Variants in USH2A observed in about 807,000 individuals in gnomAD.
The protein encoded by USH2A is Usher syndrome 2A (autosomal recessive, mild).
In USH2A, 443 loss-of-function variants were observed where a neutral mutation model predicts 538.9. That is an observed-to-expected ratio of 0.82 (90% CI 0.76 to 0.89). The LOEUF (loss-of-function observed/expected upper bound fraction) is 0.89. Ranked by LOEUF, USH2A falls within the 40% of genes least tolerant of loss-of-function variation. USH2A has a pLI of 0.00. For synonymous variants in USH2A, 2,413 were observed against 2,273.5 expected, an observed-to-expected ratio of 1.06 and a Z score of -1.75; for missense variants, 6,633 against 6,324.8, an observed-to-expected ratio of 1.05 and a Z score of -1.65.
chr1:216,356,413 A>C (rs1314764934), intron 4 of USH2A, among the ~76,000 whole-genome samples: 1 of 152,086 alleles, frequency 6.6e-6, no homozygotes, highest in Non-Finnish European at 1.5e-5. Context: ...TAGTTTACTG[A>C]AAAAAATTGC....
chr1:216,295,034 G>A (rs2037076053), intron 9 of USH2A, among the ~76,000 whole-genome samples: 1 of 151,538 alleles, frequency 6.6e-6, no homozygotes. Context: ...CAGCATAATA[G>A]TTAATTTATA....
intron 37 of USH2A, among the ~76,000 whole-genome samples, chr1:215,954,220 A>G (rs1667002572): frequency 6.6e-6 from 1 of 152,142 alleles, no homozygotes; most frequent in Admixed American, 6.5e-5. Context: ...CTGGGTATAT[A>G]CCCAAGGGAT....
At chr1:215,652,013 T>C (rs1045643873) in intron 64 of USH2A, among the ~76,000 whole-genome samples, 2 of 152,254 alleles carry the variant, frequency 1.3e-5, no homozygotes, top group Admixed American at 1.3e-4. Context: ...CCTACTTACA[T>C]AGATACACCT....
intron 60 of USH2A, among the ~76,000 whole-genome samples, chr1:215,734,085 G>T (rs1331863597): frequency 1.3e-5 from 2 of 152,202 alleles, no homozygotes; most frequent in Middle Eastern, 3.2e-3. Flanking sequence ...GCAGCCTTCT[G>T]CCTGGGCACC....
chr1:216,220,487 A>G (rs2035435290), intron 14 of USH2A, among the ~76,000 whole-genome samples: 2 of 151,200 alleles, frequency 1.3e-5, no homozygotes, highest in Admixed American at 6.6e-5. Context: ...CTGGTAGCAG[A>G]AGAAGGGATG....
chr1:216,073,046 G>C (rs756813924), intron 28 of USH2A, 51 bp downstream of exon 28: 3 of 1,612,944 alleles, frequency 1.9e-6, no homozygotes, highest in Non-Finnish European at 2.5e-6. Context: ...GGAGGGAAAG[G>C]GGGATGAATA....
At chr1:215,750,194 C>A (rs1239100767) in intron 58 of USH2A, among the ~76,000 whole-genome samples, 1 of 152,180 alleles carries the variant, frequency 6.6e-6, no homozygotes, top group African/African-American at 2.4e-5. Context: ...AAATTCTCCA[C>A]TGTATAGGTA....
chr1:215,830,833 T>C (rs1379342029), intron 47 of USH2A, among the ~76,000 whole-genome samples: 3 of 152,214 alleles, frequency 2.0e-5, no homozygotes, highest in Non-Finnish European at 4.4e-5. Context: ...AGCTTTGTTA[T>C]GCTACTTTAT....
chr1:215,789,927 T>A (rs990323579), intron 51 of USH2A, 132 bp downstream of exon 51: 3 of 804,934 alleles, frequency 3.7e-6, no homozygotes, highest in Non-Finnish European at 2.0e-6. Flanking sequence ...TCGGTATTAA[T>A]ATGGATGTAA....
chr1:216,037,070 C>A (rs1047672844), intron 32 of USH2A, among the ~76,000 whole-genome samples: 1 of 152,072 alleles, frequency 6.6e-6, no homozygotes, highest in Admixed American at 6.6e-5. Context: ...GGGAATTTAA[C>A]CATGTCAATG....
At position 216,394,720 on chromosome 1, in the gene USH2A, C is replaced by CTTTTTTTTTTTTTT. The variant is rs780581599; in HGVS notation, c.651+23780_651+23793dup. On this transcript the variant is annotated intron_variant, in intron 3 of 71. Coordinates refer to ENST00000307340, the MANE Select transcript of USH2A (RefSeq NM_206933.4). ...CTTAAGGCCTAATAACTGGTCCAGT[C>CTTTTTTTTTTTTTT]TTTTTTTTTTTTTTTTGAGACAGAG... is the stretch of plus-strand genomic sequence containing the variant. Among the ~76,000 whole-genome samples, 525 of 120,266 alleles carry CTTTTTTTTTTTTTT rather than the reference C, an allele frequency of 4.4e-3. 54 individuals carry two copies. The highest frequency in any genetic ancestry group is 5.2e-3 in the Non-Finnish European group (312 of 59,604). The allele number at this position is 120,266 out of a possible 152,430, so 78.9% of individuals were successfully genotyped here.
At chr1:216,200,204 T>C in intron 16 of USH2A, 83 bp from the exon 17 acceptor site, 1 of 1,384,678 alleles carries the variant, frequency 7.2e-7, no homozygotes, top group South Asian at 1.3e-5. Context: ...CCTATCATAT[T>C]ATTTAATTAC....
intron 70 of USH2A, among the ~76,000 whole-genome samples, chr1:215,633,242 G>A (rs1425247208): frequency 6.6e-6 from 1 of 152,170 alleles, no homozygotes; most frequent in African/African-American, 2.4e-5. Flanking sequence ...AGGGAGGAAG[G>A]AGGCTCCGAG....
intron 9 of USH2A, among the ~76,000 whole-genome samples, chr1:216,315,065 C>T (rs75473145): frequency 2.0e-5 from 3 of 152,222 alleles, no homozygotes; most frequent in Non-Finnish European, 4.4e-5. Context: ...AGATTCTATT[C>T]AACACTTGAA....
At chr1:216,281,768 G>A (rs926775671) in intron 11 of USH2A, among the ~76,000 whole-genome samples, 2 of 151,008 alleles carry the variant, frequency 1.3e-5, no homozygotes, top group Non-Finnish European at 2.9e-5. Context: ...GAAACACTAA[G>A]CCATTTTCCA....
chr1:215,935,169 T>A (rs1666462625), intron 37 of USH2A, among the ~76,000 whole-genome samples: 1 of 152,060 alleles, frequency 6.6e-6, no homozygotes, highest in African/African-American at 2.4e-5. Context: ...TTTTTTCCAA[T>A]AAAAATCCCT....
intron 49 of USH2A, among the ~76,000 whole-genome samples, chr1:215,805,694 G>T (rs1004795020): frequency 1.1e-4 from 17 of 152,142 alleles, no homozygotes; most frequent in Middle Eastern, 3.4e-3. Context: ...ATACTCTAAA[G>T]ATCAGTGAAG....
intron 4 of USH2A, among the ~76,000 whole-genome samples, chr1:216,344,222 G>T: frequency 6.6e-6 from 1 of 152,190 alleles, no homozygotes; most frequent in African/African-American, 2.4e-5. Flanking sequence ...ACAAGAGAAA[G>T]ACGAATGGCA....
rs560532949 is a variant in USH2A, at chr1:215,645,700, G to A, written c.14791+1822C>T. On this transcript the variant is annotated intron_variant, in intron 67 of 71. Coordinates refer to ENST00000307340, the MANE Select transcript of USH2A (RefSeq NM_206933.4). ...ATGCGTAATTCTTGCTTTTAAAATTGGCATCATATTCAATGCCAGATAGAG... is the reference window on the plus strand; with the variant it reads ...ATGCGTAATTCTTGCTTTTAAAATTAGCATCATATTCAATGCCAGATAGAG... Among the ~76,000 whole-genome samples the A allele has an allele frequency of 1.5e-3, 230 of 152,148 alleles. 1 individual carries two copies. Among genetic ancestry groups the A allele is most frequent in the Non-Finnish European group, 2.3e-3 (158 of 68,008 alleles).
Sources: gnomAD v4.1 joint callset for allele counts (sites outside exome capture counted in the v4.1 genomes callset) on GRCh38, gnomAD v4.1.1 for gene constraint, MANE v1.5 for transcripts, NCBI Gene and HGNC (gene_info 2026-07-23, HGNC 2026-07-21) for gene names.